Variants in RASL12 observed in about 807,000 individuals in gnomAD.
RASL12 encodes the protein RAS like family 12, also known as ras-like protein family member 12.
Under a neutral mutation model 22.9 loss-of-function variants are expected in RASL12, and 16 were observed. The ratio of observed to expected loss-of-function variants is 0.70; its 90% CI spans 0.47 to 1.06. The LOEUF (loss-of-function observed/expected upper bound fraction) is 1.06. Among genes scored for constraint, RASL12 ranks in the 50% least tolerant of loss-of-function variants. The pLI, the probability that RASL12 is intolerant of heterozygous loss-of-function variation, is 0.00. For missense variants in RASL12, 306 were observed against 353.1 expected (o/e 0.87, Z 1.07); for synonymous variants, 159 against 152.2 (o/e 1.04, Z -0.33).
In RASL12 at chr15:65,067,880, C is replaced by A. The variant is rs374529803; in HGVS notation, c.-45G>T. The A allele has an allele frequency of 3.6e-6, 5 of 1,399,066 alleles. No homozygotes were observed. The highest frequency in any genetic ancestry group is 4.6e-6 in the Non-Finnish European group (5 of 1,082,904). The allele number at this position is 1,399,066 out of a possible 1,614,324, so 86.7% of individuals were successfully genotyped here. On this transcript the variant is annotated 5_prime_UTR_variant, in exon 1 of 5. Coordinates refer to ENST00000220062, the MANE Select transcript of RASL12 (RefSeq NM_016563.4). ...ACGCAGGTCTGCGGCCGGTGGGCCC[C>A]GCGCAGTGCGCCCGCCCGTCGGGGC...
intron 1 of RASL12, among the ~76,000 whole-genome samples, chr15:65,073,438 T>G (rs2086944940): frequency 6.6e-6 from 1 of 152,114 alleles, no homozygotes; most frequent in South Asian, 2.1e-4. Context: ...CCTAGATACC[T>G]CCCACATGCA....
downstream of RASL12, chr15:65,050,141 C>T (rs1240503775): frequency 1.7e-5 from 25 of 1,502,696 alleles, no homozygotes; most frequent in Non-Finnish European, 2.3e-5. Context: ...GGGGGTGTGC[C>T]CCTCAACACA....
intron 4 of RASL12, 141 bp downstream of exon 4, chr15:65,058,286 A>T (rs879737720): frequency 6.6e-5 from 44 of 662,660 alleles, no homozygotes; most frequent in Non-Finnish European, 8.0e-5. Flanking sequence ...AAACACACAC[A>T]CAAACAAACA....
intron 3 of RASL12, among the ~76,000 whole-genome samples, 199 bp downstream of exon 3, chr15:65,059,146 C>G (rs7175752): frequency 0.39 from 59,534 of 152,160 alleles, 12,385 homozygotes; most frequent in South Asian, 0.57. Context: ...CATGTCTCTC[C>G]AGGCCCTGTC....
At chr15:65,065,350 T>C in intron 1 of RASL12, 77 bp from the exon 2 acceptor site, 1 of 1,351,986 alleles carries the variant, frequency 7.4e-7, no homozygotes. Flanking sequence ...AGGGAGGCCT[T>C]ATCTAACCTC....
upstream of RASL12, among the ~76,000 whole-genome samples, chr15:65,069,723 C>T (rs2086917755): frequency 6.6e-6 from 1 of 152,204 alleles, no homozygotes; most frequent in South Asian, 2.1e-4. Flanking sequence ...ACCCCTCTCC[C>T]CTGACACTGG....
At position 65,059,355 on chromosome 15, in the gene RASL12, G is replaced by A; in HGVS notation, c.224C>T (p.Thr75Ile). ...TGGAGGTAATGTTACCAGGTCTGCA[G>A]TGTCCATGACCCTCAGGTGGACAGG... ...HQPVHLRVMD[T>I]ADLDTPRNCE... The change falls in exon 3 of 5, where the codon ACT becomes ATT. Residue 75 changes from threonine (T) to isoleucine (I), a missense_variant. Coordinates refer to ENST00000220062, the MANE Select transcript of RASL12 (RefSeq NM_016563.4). 6.2e-7 allele frequency: 1 copy of A among 1,613,876 alleles called. No individual in the cohort carries two copies. The highest frequency in any genetic ancestry group is 1.1e-5 in the South Asian group (1 of 91,068).
upstream of RASL12, among the ~76,000 whole-genome samples, chr15:65,071,666 T>G (rs957362261): frequency 6.6e-6 from 1 of 151,550 alleles, no homozygotes; most frequent in Non-Finnish European, 1.5e-5. Context: ...CCAGGAGGGG[T>G]TTGCACTCCC....
chr15:65,059,552 T>C (rs181289179), intron 2 of RASL12, 134 bp from the exon 3 acceptor site: 4 of 692,724 alleles, frequency 5.8e-6, no homozygotes, highest in East Asian at 2.7e-5. Context: ...TGGAAAGTCC[T>C]TGGTTCTCAC....
Position 65,060,101 on chromosome 15 carries a change from C to CA in RASL12, c.161-684dup, listed in dbSNP as rs376712535. ...GGGAACACTGTGATAACATTGCTAACAGTTTCCAAGCCTTTCCTTTGTCCC... is the reference window on the plus strand; with the variant it reads ...GGGAACACTGTGATAACATTGCTAACAAGTTTCCAAGCCTTTCCTTTGTCCC... On this transcript the variant is annotated intron_variant, in intron 2 of 4. Coordinates refer to ENST00000220062, the MANE Select transcript of RASL12 (RefSeq NM_016563.4). 4.8e-3 allele frequency among the ~76,000 whole-genome samples: 735 copies of CA among 152,318 alleles called. 4 individuals are homozygous for CA. The highest frequency in any genetic ancestry group is 0.017 in the African/African-American group (713 of 41,572).
upstream of RASL12, chr15:65,068,173 G>A (rs1474908825): frequency 2.0e-6 from 2 of 1,002,156 alleles, no homozygotes; most frequent in Non-Finnish European, 2.4e-6. This position sits in a 1 kb window ranked among gnomAD's most constrained non-coding sequence, Gnocchi z 4.2. Flanking sequence ...GGACCCTGCC[G>A]TCACCCTCCC....
upstream of RASL12, among the ~76,000 whole-genome samples, chr15:65,068,628 GTGGCCTGTTGTGTAAA>G (rs1407792896): frequency 5.9e-5 from 9 of 152,356 alleles, no homozygotes; most frequent in Admixed American, 5.9e-4. This position sits in a 1 kb window ranked among gnomAD's most constrained non-coding sequence, Gnocchi z 4.2. Context: ...GCATGTGTTT[GTGGCCTGTTGTGTAAA>G]TGGGGTGTTT....
rs1001072383 is a variant in RASL12, at chr15:65,053,915, T to C, written c.*984A>G. 5.1e-6 allele frequency: 5 copies of C among 985,806 alleles called. No individual in the cohort carries two copies. The African/African-American group carries it at 8.7e-5, about 17-fold the overall frequency. 61.1% of individuals were successfully genotyped at this position (985,806 alleles called of 1,614,324 possible). A position where few individuals can be genotyped will look rare whatever the true frequency, so the allele number is the denominator to read the frequency against. ...ATAACATAAGCAAAATTTTGCTTTA[T>C]TAACCCAAAATGCTTTAGGTTCTAA... On this transcript the variant is annotated 3_prime_UTR_variant, in exon 5 of 5. Coordinates refer to ENST00000220062, the MANE Select transcript of RASL12 (RefSeq NM_016563.4).
the RASL12 span, among the ~76,000 whole-genome samples, chr15:65,046,745 G>A: frequency 1.3e-5 from 2 of 151,836 alleles, no homozygotes; most frequent in Non-Finnish European, 1.5e-5. Context: ...AAACCCCATC[G>A]CTACAAAAAA....
chr15:65,060,664 A>C (rs890864043), intron 2 of RASL12, among the ~76,000 whole-genome samples: 11 of 152,128 alleles, frequency 7.2e-5, no homozygotes, highest in African/African-American at 2.7e-4. Context: ...ACCTTTCCCT[A>C]GGTGTCCCCT....
intron 4 of RASL12, 54 bp downstream of exon 4, chr15:65,058,373 T>C (rs545719195): frequency 4.8e-4 from 665 of 1,391,738 alleles, no homozygotes; most frequent in Middle Eastern, 3.3e-3. Context: ...CCACCTGACC[T>C]TACAAGTGAA....
chr15:65,055,920 G>A (rs1157069608), intron 4 of RASL12, among the ~76,000 whole-genome samples: 1 of 152,104 alleles, frequency 6.6e-6, no homozygotes, highest in Non-Finnish European at 1.5e-5. Context: ...AGGGCAGGGG[G>A]GACAACATTT....
At chr15:65,072,668 A>T (rs550660198), upstream of RASL12, among the ~76,000 whole-genome samples, 1 of 152,270 alleles carries the variant, frequency 6.6e-6, no homozygotes, top group South Asian at 2.1e-4. Flanking sequence ...TTAGCTGGTC[A>T]CCTAGAAAAG....
chr15:65,049,624 A>C (rs990331138), downstream of RASL12: 1 of 156,888 alleles, frequency 6.4e-6, no homozygotes, highest in Non-Finnish European at 1.4e-5. Flanking sequence ...GCAGGCGAAG[A>C]CCCGAGATGT....
Sources: gnomAD v4.1 joint callset for allele counts (sites outside exome capture counted in the v4.1 genomes callset) on GRCh38, gnomAD v4.1.1 for gene constraint, Gnocchi (gnomAD v3.1) non-coding constraint, MANE v1.5 for transcripts, NCBI Gene and HGNC (gene_info 2026-07-23, HGNC 2026-07-21) for gene names.